PGBD2: variants seen among roughly 807,000 people sequenced by gnomAD.
PGBD2 encodes piggyBac transposable element derived 2.
Under a neutral mutation model 8.1 loss-of-function variants are expected in PGBD2, and 6 were observed. The ratio of observed to expected loss-of-function variants is 0.74; its 90% CI spans 0.40 to 1.46. The LOEUF is 1.46. PGBD2 is among the 40% of genes most tolerant of loss of function. The pLI, the probability that PGBD2 is intolerant of heterozygous loss-of-function variation, is 0.02. For missense variants in PGBD2, 802 were observed against 739.0 expected, an observed-to-expected ratio of 1.09 and a Z score of -0.99; for synonymous variants, 318 against 272.2, an observed-to-expected ratio of 1.17 and a Z score of -1.66.
chr1:248,905,071 G>C (rs1335598573), upstream of PGBD2, among the ~76,000 whole-genome samples: 1 of 152,158 alleles, frequency 6.6e-6, no homozygotes, highest in East Asian at 1.9e-4. Context: ...ACCTTACCTA[G>C]AGTAGCACTC....
chr1:248,925,536 ATAC>A, the PGBD2 span, among the ~76,000 whole-genome samples: 1 of 151,898 alleles, frequency 6.6e-6, no homozygotes. Flanking sequence ...ATCAGAAGAA[ATAC>A]TAGGATATTT....
chr1:248,878,321 G>T, the PGBD2 span, among the ~76,000 whole-genome samples: 1 of 151,946 alleles, frequency 6.6e-6, no homozygotes, highest in Non-Finnish European at 1.5e-5. Flanking sequence ...CTGGGACTAC[G>T]GGGCCCGCCA....
intron 2 of PGBD2, among the ~76,000 whole-genome samples, chr1:248,914,735 T>C (rs140098162): frequency 1.3e-3 from 205 of 152,304 alleles, no homozygotes; most frequent in African/African-American, 4.6e-3. Flanking sequence ...AGCCTAGATA[T>C]GATTCCTCAC....
intron 1 of PGBD2, among the ~76,000 whole-genome samples, chr1:248,911,371 C>T (rs569037743): frequency 6.0e-5 from 9 of 150,906 alleles, no homozygotes; most frequent in South Asian, 2.1e-4. Flanking sequence ...CATCTTGCAC[C>T]GCCCTTAATC....
At chr1:248,875,080 G>A in the PGBD2 span, among the ~76,000 whole-genome samples, 1 of 151,980 alleles carries the variant, frequency 6.6e-6, no homozygotes, top group Non-Finnish European at 1.5e-5. Context: ...GGCGGATCAC[G>A]AGGTCAGGAG....
At chr1:248,926,804 C>T in the PGBD2 span, among the ~76,000 whole-genome samples, 1 of 152,156 alleles carries the variant, frequency 6.6e-6, no homozygotes, top group Non-Finnish European at 1.5e-5. Flanking sequence ...AAAGCCTACT[C>T]AAGCCATATG....
At position 248,917,255 on chromosome 1, in the gene PGBD2, T is replaced by C; in HGVS notation, c.671T>C (p.Ile224Thr). 5.0e-6 allele frequency: 8 copies of C among 1,614,190 alleles called. No individual in the cohort carries two copies. The highest frequency in any genetic ancestry group is 5.9e-6 in the Non-Finnish European group (7 of 1,180,042). The change falls in exon 3 of 3, where the codon ATC (isoleucine) becomes ACC (threonine). Residue 224 changes from isoleucine (I) to threonine (T), a missense_variant. Ile to Thr is a moderately conservative substitution (Grantham distance 89). Transcript: ENST00000329291. The part of the protein sequence containing the change: ...DAIRRDRFEL[I>T]FSYLHFADNN... ...ATTAGAAGGGACAGATTTGAACTAA[T>C]CTTCTCATACTTACATTTTGCAGAT...
In PGBD2 at chr1:248,918,260, A is replaced by G. The variant is rs775102160; in HGVS notation, c.1676A>G (p.Lys559Arg). 57 of 1,613,026 alleles carry G rather than the reference A, an allele frequency of 3.5e-5. No individual in the cohort carries two copies. Among genetic ancestry groups the G allele is most frequent in the African/African-American group, 5.3e-5 (4 of 74,942 alleles). The change falls in exon 3 of 3, where the codon AAG becomes AGG. Residue 559 changes from lysine to arginine, a missense_variant. By Grantham distance (26) the Lys-to-Arg change is conservative (BLOSUM62 2). Transcript: ENST00000329291. ...GGGCACTGGATTATCCATCAGGACA[A>G]GAGGACCCGGTGTGCCCTCTGCCAC... is the stretch of plus-strand genomic sequence containing the variant. ...MIGHWIIHQD[K>R]RTRCALCHSQ...
In PGBD2 at chr1:248,918,414, A is replaced by C. The variant is rs896493635; in HGVS notation, c.*51A>C. The C allele has an allele frequency of 1.3e-6, 2 of 1,494,426 alleles. No individual in the cohort carries two copies. The highest frequency in any genetic ancestry group is 2.8e-5 in the African/African-American group (2 of 71,184). The allele number at this position is 1,494,426 out of a possible 1,614,324, so 92.6% of individuals were successfully genotyped here. On this transcript the variant is annotated 3_prime_UTR_variant, in exon 3 of 3. Coordinates refer to ENST00000329291, the MANE Select transcript of PGBD2 (RefSeq NM_170725.3). ...TATAATGAGATGTTTACAGTTAAAT[A>C]CAGATGGCAGTTGAGCACTTCTGTT...
chr1:248,916,413 T>A (rs1293368426), intron 2 of PGBD2, among the ~76,000 whole-genome samples, 189 bp from the exon 3 acceptor site: 1 of 151,844 alleles, frequency 6.6e-6, no homozygotes, highest in African/African-American at 2.4e-5. Context: ...AAAAAAAAAA[T>A]TATAACAATA....
chr1:248,928,410 C>T, the PGBD2 span, among the ~76,000 whole-genome samples: 1 of 152,162 alleles, frequency 6.6e-6, no homozygotes, highest in Non-Finnish European at 1.5e-5. Flanking sequence ...TTGTATTGGA[C>T]ATTTTTGTTT....
chr1:248,889,429 C>T, the PGBD2 span, among the ~76,000 whole-genome samples: 1 of 151,832 alleles, frequency 6.6e-6, no homozygotes, highest in African/African-American at 2.4e-5. Flanking sequence ...CTTACTGAGC[C>T]GGACACTGTA....
the PGBD2 span, among the ~76,000 whole-genome samples, chr1:248,873,814 C>T: frequency 1.3e-5 from 2 of 152,302 alleles, no homozygotes; most frequent in South Asian, 4.1e-4. Flanking sequence ...CACCAGCGGA[C>T]ACAAGTATGA....
chr1:248,874,204 A>T, the PGBD2 span, among the ~76,000 whole-genome samples: 13 of 152,284 alleles, frequency 8.5e-5, no homozygotes, highest in African/African-American at 3.1e-4. Context: ...ACGTCACAGG[A>T]TATTTATTTA....
In PGBD2 at chr1:248,917,439, CA is replaced by C. The variant is rs1662145551; in HGVS notation, c.856del (p.Arg286GlyfsTer41). 2.5e-6 allele frequency: 4 copies of C among 1,614,062 alleles called. No individual in the cohort carries two copies. In the East Asian group the frequency reaches 8.9e-5, roughly 36 times the overall value. On this transcript the variant is annotated frameshift_variant, in exon 3 of 3. Coordinates refer to ENST00000329291, the MANE Select transcript of PGBD2 (RefSeq NM_170725.3). LOFTEE classifies it low-confidence loss of function (END_TRUNC). ...GGCACCGGGGGTCCAAGCAGCTGCA[CA>C]GGGGGAAGCCTGTGCGACTTGGCTA... ...FGHRGSKQLH[R>X]GKPVRLGYKI...
At chr1:248,899,562 C>A in the PGBD2 span, among the ~76,000 whole-genome samples, 4 of 152,002 alleles carry the variant, frequency 2.6e-5, no homozygotes, top group Admixed American at 2.6e-4. Flanking sequence ...AGAGACAACA[C>A]ACCAGAATCT....
At chr1:248,874,874 C>T in the PGBD2 span, among the ~76,000 whole-genome samples, 9 of 150,976 alleles carry the variant, frequency 6.0e-5, no homozygotes, top group African/African-American at 2.0e-4. Context: ...CTCTCTCTCT[C>T]TCTTCCAAGG....
the PGBD2 span, among the ~76,000 whole-genome samples, chr1:248,881,095 C>T: frequency 3.9e-5 from 6 of 152,026 alleles, no homozygotes; most frequent in African/African-American, 1.4e-4. Context: ...CCCTGAGAGC[C>T]CAAACATCCC....
At chr1:248,915,568 G>T (rs901216478) in intron 2 of PGBD2, among the ~76,000 whole-genome samples, 7 of 152,156 alleles carry the variant, frequency 4.6e-5, no homozygotes, top group Non-Finnish European at 5.9e-5. Flanking sequence ...TTTGACTTAT[G>T]ACATTTTTAA....
Sources: gnomAD v4.1 joint callset for allele counts (sites outside exome capture counted in the v4.1 genomes callset) on GRCh38, gnomAD v4.1.1 for gene constraint, MANE v1.5 for transcripts, NCBI Gene and HGNC (gene_info 2026-07-23, HGNC 2026-07-21) for gene names.